PLCG2: variants seen among roughly 807,000 people sequenced by gnomAD.
PLCG2 encodes the protein 1-phosphatidylinositol 4,5-bisphosphate phosphodiesterase gamma-2.
Under a neutral mutation model 175.6 loss-of-function variants are expected in PLCG2, and 69 were observed. That is an observed-to-expected ratio of 0.39 (90% CI 0.32 to 0.48). The LOEUF (loss-of-function observed/expected upper bound fraction) is 0.48. PLCG2 is among the 20% of genes least tolerant of loss of function. The pLI is 0.91. For missense variants in PLCG2, 1,798 were observed against 1,650.9 expected (o/e 1.09, Z -1.54); for synonymous variants, 827 against 624.0 (o/e 1.33, Z -4.85).
At chr16:81,828,613 C>T (rs1040680738) in intron 2 of PLCG2, among the ~76,000 whole-genome samples, 5 of 152,036 alleles carry the variant, frequency 3.3e-5, no homozygotes, top group Non-Finnish European at 7.4e-5. Context: ...TTTTGATCAG[C>T]GAGTCCTTGC....
intron 25 of PLCG2, among the ~76,000 whole-genome samples, chr16:81,932,968 C>T (rs1910565924): frequency 6.6e-6 from 1 of 152,250 alleles, no homozygotes; most frequent in African/African-American, 2.4e-5. Flanking sequence ...GGTGCCACGA[C>T]CCTGAGGTTT....
At chr16:81,894,312 C>A (rs756603887) in intron 12 of PLCG2, among the ~76,000 whole-genome samples, 3 of 152,144 alleles carry the variant, frequency 2.0e-5, no homozygotes, top group Non-Finnish European at 2.9e-5. Context: ...GCCTGTGGTC[C>A]CAACAACTTG....
chr16:81,773,785 G>A (rs1910333098), intron 2 of PLCG2, among the ~76,000 whole-genome samples: 1 of 152,136 alleles, frequency 6.6e-6, no homozygotes, highest in African/African-American at 2.4e-5. Context: ...AGAAGAAAGT[G>A]AAGCTTACAG....
At chr16:81,862,451 C>T (rs1456054847) in intron 5 of PLCG2, among the ~76,000 whole-genome samples, 2 of 152,246 alleles carry the variant, frequency 1.3e-5, no homozygotes, top group African/African-American at 2.4e-5. Context: ...TATGTGAGGA[C>T]ACTGAGGCCC....
chr16:81,898,507 T>TG (rs985450460), intron 13 of PLCG2: 3 of 152,228 alleles, frequency 2.0e-5, no homozygotes, highest in African/African-American at 7.2e-5. Context: ...TTACTTGAGC[T>TG]GGAACATGGT....
intron 8 of PLCG2, among the ~76,000 whole-genome samples, chr16:81,881,809 GT>G (rs34048665): frequency 0.31 from 43,873 of 142,768 alleles, 6,413 homozygotes; most frequent in South Asian, 0.35. Context: ...TCCAGCTATT[GT>G]TTTTTTTTTT....
chr16:81,897,227 C>G (rs1407854320), intron 13 of PLCG2, among the ~76,000 whole-genome samples: 1 of 152,202 alleles, frequency 6.6e-6, no homozygotes, highest in Non-Finnish European at 1.5e-5. Context: ...TGGCAAGAGG[C>G]CTTCTATAGG....
chr16:81,925,892 A>AAAAG lies in PLCG2; in HGVS notation c.2418-1187_2418-1186insGAAA, dbSNP rs1555521143. On this transcript the variant is annotated intron_variant, in intron 22 of 32. Coordinates refer to ENST00000564138, the MANE Select transcript of PLCG2 (RefSeq NM_002661.5). ...CAGAGTGAGACTCTGTCTCAAAAAA[A>AAAAG]AAAAAAAAAAAATCCAGAAGGATAT... Among the ~76,000 whole-genome samples the AAAAG allele has an allele frequency of 3.5e-3, 472 of 134,738 alleles. 4 individuals carry two copies. The highest frequency in any genetic ancestry group is 3.9e-3 in the Non-Finnish European group (241 of 62,290). 88.4% of individuals were successfully genotyped at this position (134,738 alleles called of 152,430 possible). A position where few individuals can be genotyped will look rare whatever the true frequency, so the allele number is the denominator to read the frequency against.
intron 1 of PLCG2, among the ~76,000 whole-genome samples, chr16:81,755,231 C>G (rs1909897121): frequency 6.6e-6 from 1 of 152,076 alleles, no homozygotes; most frequent in African/African-American, 2.4e-5. Flanking sequence ...AGGCCTCACT[C>G]TGTCACCCAG....
At chr16:81,930,636 T>C (rs2143710957) in intron 24 of PLCG2, among the ~76,000 whole-genome samples, 1 of 147,278 alleles carries the variant, frequency 6.8e-6, no homozygotes, top group Non-Finnish European at 1.5e-5. Flanking sequence ...TGGTCTCAGC[T>C]ACTAGGGAGG....
chr16:81,936,463 C>T (rs1387444762), intron 27 of PLCG2, 85 bp downstream of exon 27: 5 of 1,028,944 alleles, frequency 4.9e-6, no homozygotes, highest in Admixed American at 1.7e-5. Context: ...TCAGCGATAC[C>T]ATGTGGTGTC....
intron 2 of PLCG2, among the ~76,000 whole-genome samples, chr16:81,853,905 G>A (rs1006345397): frequency 2.6e-5 from 4 of 152,104 alleles, no homozygotes; most frequent in Admixed American, 6.5e-5. Context: ...CAACGCTGGG[G>A]TTGGCCTCTT....
At chr16:81,774,518 C>T (rs910647482), upstream of PLCG2, among the ~76,000 whole-genome samples, 3 of 152,160 alleles carry the variant, frequency 2.0e-5, no homozygotes, top group Non-Finnish European at 4.4e-5. Context: ...GCAGCTGGGA[C>T]TCGGCTCGTC....
At chr16:81,948,723 C>T (rs1911250337) in intron 31 of PLCG2, among the ~76,000 whole-genome samples, 1 of 152,164 alleles carries the variant, frequency 6.6e-6, no homozygotes, top group African/African-American at 2.4e-5. Flanking sequence ...CTCCTTATGC[C>T]TCATCAGCTA....
At chr16:81,954,312 G>A (rs1440915634) in intron 31 of PLCG2, among the ~76,000 whole-genome samples, 1 of 152,202 alleles carries the variant, frequency 6.6e-6, no homozygotes, top group Non-Finnish European at 1.5e-5. Flanking sequence ...CTGAGGCACT[G>A]CGCCCGGCGA....
intron 9 of PLCG2, among the ~76,000 whole-genome samples, chr16:81,883,981 C>T (rs923579818): frequency 1.3e-5 from 2 of 152,216 alleles, no homozygotes; most frequent in Non-Finnish European, 2.9e-5. Context: ...CTGCTGCCGG[C>T]ATCTAGCAGG....
At chr16:81,775,801 A>G (rs1910386295), upstream of PLCG2, among the ~76,000 whole-genome samples, 1 of 152,156 alleles carries the variant, frequency 6.6e-6, no homozygotes, top group East Asian at 1.9e-4. Flanking sequence ...AGGAAAAGGA[A>G]AAGAAAGATC....
chr16:81,761,524 T>A (rs114848866), intron 2 of PLCG2, among the ~76,000 whole-genome samples: 2,361 of 152,200 alleles, frequency 0.016, 67 homozygotes, highest in African/African-American at 0.053. Flanking sequence ...TAGGTTAGAG[T>A]CATATGTCTT....
chr16:81,814,888 T>C (rs1308102997), intron 2 of PLCG2, among the ~76,000 whole-genome samples: 1 of 152,146 alleles, frequency 6.6e-6, no homozygotes, highest in Non-Finnish European at 1.5e-5. Flanking sequence ...GGATAAAGAT[T>C]AAATGAGCCA....
Sources: allele counts gnomAD v4.1 joint callset (sites outside exome capture counted in the v4.1 genomes callset), GRCh38; gene constraint gnomAD v4.1.1; transcripts MANE v1.5; gene names NCBI Gene and HGNC (gene_info 2026-07-23, HGNC 2026-07-21).